Variants in RAPGEF5 observed in about 807,000 individuals in gnomAD.
The protein encoded by RAPGEF5 is Rap guanine nucleotide exchange factor 5, also known as M-Ras-regulated GEF.
RAPGEF5 carries 65 observed loss-of-function variants against 125.2 expected under a neutral mutation model. The ratio of observed to expected loss-of-function variants is 0.52; its 90% confidence interval spans 0.43 to 0.64. The LOEUF (loss-of-function observed/expected upper bound fraction) is 0.64, where lower values mean the gene tolerates loss of function less well. RAPGEF5 is among the 30% of genes least tolerant of loss of function. The pLI, the probability that RAPGEF5 is intolerant of heterozygous loss-of-function variation, is 0.00. For synonymous variants in RAPGEF5, 391 were observed against 385.9 expected (o/e 1.01, Z -0.16); for missense variants, 958 against 1,048.1 (o/e 0.91, Z 1.19).
intron 24 of RAPGEF5, among the ~76,000 whole-genome samples, chr7:22,126,197 T>C (rs1782739975): frequency 6.6e-6 from 1 of 152,014 alleles, no homozygotes; most frequent in Non-Finnish European, 1.5e-5. Flanking sequence ...GTTGCACAGG[T>C]TCTTATGAGC....
intron 9 of RAPGEF5, among the ~76,000 whole-genome samples, chr7:22,197,893 T>TGCG (rs1554327471): frequency 1.7e-4 from 20 of 116,296 alleles, no homozygotes; most frequent in African/African-American, 6.1e-4. Flanking sequence ...TCTTTTTTTT[T>TGCG]GGGGGGGGGT....
At chr7:22,260,961 T>C (rs955797409) in intron 7 of RAPGEF5, among the ~76,000 whole-genome samples, 2 of 152,148 alleles carry the variant, frequency 1.3e-5, no homozygotes, top group African/African-American at 2.4e-5. Flanking sequence ...TCATATATAA[T>C]GGAGTAAGCA....
chr7:22,136,117 G>A lies in RAPGEF5; in HGVS notation c.2337C>T (p.Ser779=), dbSNP rs138774168. ...FSELESLTDP[S]LNHKAYRDAF... Reference sequence around the variant, plus strand: ...CATCTCTGTAGGCTTTGTGATTTAGGGAAGGATCCTGCCGAACCAAGCAGA... The same window carrying A: ...CATCTCTGTAGGCTTTGTGATTTAGAGAAGGATCCTGCCGAACCAAGCAGA... The change falls in exon 23 of 26, where the codon TCC becomes TCT. Residue 779 remains serine (S), a synonymous_variant. Transcript: ENST00000665637. 9.9e-6 allele frequency: 16 copies of A among 1,609,020 alleles called. No individual in the cohort carries two copies. In the African/African-American group the frequency reaches 1.7e-4, roughly 17 times the overall value.
intron 1 of RAPGEF5, among the ~76,000 whole-genome samples, chr7:22,336,352 G>A (rs1562535148): frequency 6.6e-6 from 1 of 152,092 alleles, no homozygotes; most frequent in Admixed American, 6.5e-5. Context: ...ATACGAATAA[G>A]GGCAATGAAA....
intron 24 of RAPGEF5, among the ~76,000 whole-genome samples, chr7:22,128,569 G>T (rs1472494390): frequency 1.3e-5 from 2 of 152,184 alleles, no homozygotes; most frequent in African/African-American, 4.8e-5. Flanking sequence ...AATATTCCTT[G>T]AAAATAGTGT....
intron 9 of RAPGEF5, among the ~76,000 whole-genome samples, chr7:22,203,257 C>T (rs1412419612): frequency 1.3e-5 from 2 of 151,982 alleles, no homozygotes; most frequent in African/African-American, 2.4e-5. Flanking sequence ...TTTTCATGGG[C>T]GTGTGGGGCT....
In RAPGEF5 at chr7:22,193,423, ATCT is replaced by A; in HGVS notation, c.1145_1147del (p.Lys382del). On this transcript the variant is annotated inframe_deletion, in exon 11 of 26. Coordinates refer to ENST00000665637, the MANE Select transcript of RAPGEF5 (RefSeq NM_012294.5). ...CAAGTCATTCAAAAGGTGCTCCAAA[ATCT>A]TCTCCGGGGTCCCGGACACCACCAC... 6.3e-7 allele frequency: 1 copy of A among 1,596,562 alleles called. No individual in the cohort carries two copies. The highest frequency in any genetic ancestry group is 8.5e-7 in the Non-Finnish European group (1 of 1,171,030).
intron 8 of RAPGEF5, among the ~76,000 whole-genome samples, chr7:22,224,828 T>C (rs1322955041): frequency 2.8e-5 from 4 of 142,992 alleles, no homozygotes; most frequent in African/African-American, 1.1e-4. Flanking sequence ...TACAGTGTTT[T>C]GGTTTTCTTT....
intron 6 of RAPGEF5, among the ~76,000 whole-genome samples, chr7:22,290,905 C>G (rs1782920080): frequency 6.6e-6 from 1 of 152,008 alleles, no homozygotes; most frequent in African/African-American, 2.4e-5. Context: ...TTAACGCATA[C>G]TGTATTTAAA....
chr7:22,339,178 G>T (rs954550974), intron 1 of RAPGEF5, among the ~76,000 whole-genome samples: 6 of 152,192 alleles, frequency 3.9e-5, no homozygotes, highest in African/African-American at 1.4e-4. Flanking sequence ...CCTCCCAACT[G>T]CTAGCAAGCA....
At chr7:22,355,549 C>A (rs1050501001) in intron 1 of RAPGEF5, among the ~76,000 whole-genome samples, 1 of 152,156 alleles carries the variant, frequency 6.6e-6, no homozygotes, top group Non-Finnish European at 1.5e-5. Flanking sequence ...TCCTAAATGC[C>A]ACACATGTTA....
intron 6 of RAPGEF5, among the ~76,000 whole-genome samples, chr7:22,271,283 T>C (rs759392857): frequency 2.0e-5 from 3 of 152,172 alleles, no homozygotes; most frequent in Admixed American, 6.6e-5. Flanking sequence ...GGTGATTCTA[T>C]TGCATCCAGG....
intron 18 of RAPGEF5, among the ~76,000 whole-genome samples, chr7:22,147,616 G>A (rs962813918): frequency 1.3e-5 from 2 of 151,992 alleles, no homozygotes; most frequent in East Asian, 1.9e-4. Context: ...CTTTCCCTAC[G>A]TAAATAGGGC....
At chr7:22,140,774 A>G (rs895627337) in intron 20 of RAPGEF5, among the ~76,000 whole-genome samples, 24 of 152,234 alleles carry the variant, frequency 1.6e-4, no homozygotes, top group African/African-American at 5.3e-4. Context: ...ACATTCCACT[A>G]ATTTCCAAAG....
chr7:22,137,988 T>G (rs1783129584), intron 21 of RAPGEF5, among the ~76,000 whole-genome samples: 1 of 149,676 alleles, frequency 6.7e-6, no homozygotes, highest in African/African-American at 2.5e-5. Flanking sequence ...AAACAGGTAG[T>G]TTAATCTGTT....
chr7:22,222,438 C>A (rs1785814650), intron 8 of RAPGEF5, among the ~76,000 whole-genome samples: 1 of 151,818 alleles, frequency 6.6e-6, no homozygotes, highest in Admixed American at 6.6e-5. Context: ...TGAATGGTGA[C>A]CTAAAGGAAA....
chr7:22,315,547 C>CTATATA (rs5882843), intron 2 of RAPGEF5, 71 bp from the exon 3 acceptor site: 1 of 413,648 alleles, frequency 2.4e-6, no homozygotes, highest in Non-Finnish European at 3.3e-6. Flanking sequence ...CAATAGCATA[C>CTATATA]TATATATATA....
At chr7:22,299,909 A>G (rs1783156785) in intron 5 of RAPGEF5, among the ~76,000 whole-genome samples, 1 of 151,942 alleles carries the variant, frequency 6.6e-6, no homozygotes, top group African/African-American at 2.4e-5. Flanking sequence ...AGCTGCCTCC[A>G]TGATATTTTC....
At chr7:22,221,321 A>C (rs1437631302) in intron 8 of RAPGEF5, among the ~76,000 whole-genome samples, 1 of 152,224 alleles carries the variant, frequency 6.6e-6, no homozygotes, top group Non-Finnish European at 1.5e-5. Flanking sequence ...CACACTAGAC[A>C]AAACTGAAAC....
Sources: allele counts gnomAD v4.1 joint callset (sites outside exome capture counted in the v4.1 genomes callset), GRCh38; gene constraint gnomAD v4.1.1; transcripts MANE v1.5; gene names NCBI Gene and HGNC (gene_info 2026-07-23, HGNC 2026-07-21).